The following AP1S3 variants were observed in gnomAD, a reference collection of about 807,000 sequenced individuals.
AP1S3 encodes the protein adaptor related protein complex 1 subunit sigma 3.
In AP1S3, 10 loss-of-function variants were observed where a neutral mutation model predicts 20.9. The ratio of observed to expected loss-of-function variants is 0.48; its 90% CI spans 0.29 to 0.81. AP1S3 has a LOEUF of 0.81. Ranked by LOEUF, AP1S3 falls within the 30% of genes least tolerant of loss-of-function variation. The pLI, the probability that AP1S3 is intolerant of heterozygous loss-of-function variation, is 0.08. For synonymous variants in AP1S3, 41 were observed against 61.5 expected (o/e 0.67, Z 1.56); for missense variants, 154 against 183.8 (o/e 0.84, Z 0.94).
intron 2 of AP1S3, among the ~76,000 whole-genome samples, chr2:223,777,388 C>T (rs1245284080): frequency 1.3e-5 from 2 of 152,108 alleles, no homozygotes; most frequent in Admixed American, 6.6e-5. Context: ...GAGCAAGATT[C>T]CGCCTCCAAC....
intron 1 of AP1S3, among the ~76,000 whole-genome samples, chr2:223,802,434 C>A (rs1470507454): frequency 1.3e-5 from 2 of 151,888 alleles, no homozygotes; most frequent in Non-Finnish European, 1.5e-5. Context: ...TCCCGAGTAG[C>A]TGGGATTATA....
At chr2:223,821,305 G>A (rs981832204) in intron 1 of AP1S3, among the ~76,000 whole-genome samples, 6 of 152,138 alleles carry the variant, frequency 3.9e-5, no homozygotes, top group East Asian at 3.9e-4. Context: ...ACAGGCACCC[G>A]CCACCACACC....
At chr2:223,831,027 T>C (rs1206892938) in intron 1 of AP1S3, among the ~76,000 whole-genome samples, 1 of 152,202 alleles carries the variant, frequency 6.6e-6, no homozygotes, top group African/African-American at 2.4e-5. Flanking sequence ...AAATACATTT[T>C]TTTTTCTTTT....
intron 1 of AP1S3, among the ~76,000 whole-genome samples, chr2:223,791,526 A>G (rs1469572931): frequency 6.6e-6 from 1 of 152,232 alleles, no homozygotes; most frequent in African/African-American, 2.4e-5. Context: ...TATTGAAGGA[A>G]CATAGCTCAA....
chr2:223,837,506 GGGCGAGA>G lies in AP1S3; in HGVS notation c.-63_-57del. The G allele has an allele frequency of 8.1e-7, 1 of 1,228,298 alleles. No individual in the cohort carries two copies. The allele number at this position is 1,228,298 out of a possible 1,614,324, so 76.1% of individuals were successfully genotyped here. ...CGAGCAAGGAGCGCTGGAGAAGCGA[GGGCGAGA>G]GGCGAGCGCTGGAGCCGGTGCGGCT... On this transcript the variant is annotated 5_prime_UTR_variant, in exon 1 of 5. Coordinates refer to ENST00000396654, the MANE Select transcript of AP1S3 (RefSeq NM_001039569.2).
At chr2:223,817,088 G>T (rs7578072) in intron 1 of AP1S3, among the ~76,000 whole-genome samples, 48,916 of 151,938 alleles carry the variant, frequency 0.32, 8,293 homozygotes, top group Middle Eastern at 0.43. Flanking sequence ...TAGTGCCACT[G>T]CACTCCAGCC....
intron 1 of AP1S3, among the ~76,000 whole-genome samples, chr2:223,801,841 C>A (rs1024879401): frequency 6.6e-6 from 1 of 152,134 alleles, no homozygotes; most frequent in African/African-American, 2.4e-5. Flanking sequence ...AAGGCCTAGG[C>A]TTACAGAGAC....
intron 1 of AP1S3, among the ~76,000 whole-genome samples, chr2:223,782,011 CTTTTTTT>C (rs35909928): frequency 1.0e-4 from 13 of 128,422 alleles, no homozygotes; most frequent in Admixed American, 3.2e-4. Context: ...GGCTTTAAGT[CTTTTTTT>C]TTTTTTTTTT....
rs189828991 is a variant in AP1S3 at position 223,805,681 on chromosome 2, C to T, written c.4-27812G>A. ...TCAGAACTATGTCTAACTTCTTATACGTCTTAACGTGTTTTGAAATAGCTG... is the reference window on the plus strand; with the variant it reads ...TCAGAACTATGTCTAACTTCTTATATGTCTTAACGTGTTTTGAAATAGCTG... On this transcript the variant is annotated intron_variant, in intron 1 of 4. Coordinates refer to ENST00000396654, the MANE Select transcript of AP1S3 (RefSeq NM_001039569.2). Among the ~76,000 whole-genome samples the T allele has an allele frequency of 1.4e-3, 207 of 152,252 alleles. 2 individuals are homozygous for T. The highest frequency in any genetic ancestry group is 2.1e-3 in the Non-Finnish European group (144 of 68,030).
chr2:223,807,907 A>T (rs1461599095), intron 1 of AP1S3, among the ~76,000 whole-genome samples: 2 of 104,916 alleles, frequency 1.9e-5, no homozygotes, highest in Admixed American at 1.5e-4. Context: ...ACAAGGTCTC[A>T]CTCTGTCACC....
At position 223,756,562 on chromosome 2, in the gene AP1S3, C is replaced by T. The variant is rs753681428; in HGVS notation, c.*2153G>A. The T allele has an allele frequency of 7.1e-6, 7 of 985,330 alleles. No individual in the cohort carries two copies. The highest frequency in any genetic ancestry group is 8.4e-6 in the Non-Finnish European group (7 of 829,898). 61.0% of individuals were successfully genotyped at this position (985,330 alleles called of 1,614,324 possible). On this transcript the variant is annotated 3_prime_UTR_variant, in exon 5 of 5. Transcript: ENST00000396654. ...GGTTAGCTAAAGTAAACACAGTGGT[C>T]AATCATACATGATAAACTTCAAGCT...
chr2:223,790,869 C>A (rs1691201687), intron 1 of AP1S3, among the ~76,000 whole-genome samples: 1 of 152,046 alleles, frequency 6.6e-6, no homozygotes, highest in Admixed American at 6.6e-5. Flanking sequence ...ATACAACTAA[C>A]CATCAGAGAA....
chr2:223,760,178 T>C (rs1160525244), intron 4 of AP1S3, among the ~76,000 whole-genome samples: 2 of 152,296 alleles, frequency 1.3e-5, no homozygotes, highest in African/African-American at 2.4e-5. Flanking sequence ...GGGCCCCAAG[T>C]TGAATCAATA....
At chr2:223,779,083 G>A in intron 1 of AP1S3, among the ~76,000 whole-genome samples, 1 of 152,120 alleles carries the variant, frequency 6.6e-6, no homozygotes, top group East Asian at 1.9e-4. Flanking sequence ...ATTGTCTTTG[G>A]CATCACCATA....
At chr2:223,808,856 T>G (rs1464911069) in intron 1 of AP1S3, among the ~76,000 whole-genome samples, 2 of 151,854 alleles carry the variant, frequency 1.3e-5, no homozygotes, top group Non-Finnish European at 2.9e-5. Flanking sequence ...ATTAGCTGGG[T>G]GTGGAGGAAC....
rs141628237 is a variant in AP1S3 at position 223,833,513 on chromosome 2, C to T, written c.3+3935G>A. ...ATGCACCAGATATGAAATCTCTGTG[C>T]CAGAAACCAGGGTCACTGGCACCAT... On this transcript the variant is annotated intron_variant, in intron 1 of 4. Transcript: ENST00000396654. Among the ~76,000 whole-genome samples, 211 of 152,246 alleles carry T rather than the reference C, an allele frequency of 1.4e-3. 2 individuals are homozygous for T. The highest frequency in any genetic ancestry group is 6.8e-3 in the Middle Eastern group (2 of 294).
Position 223,757,513 on chromosome 2 carries a change from C to A in AP1S3, c.*1202G>T. On this transcript the variant is annotated 3_prime_UTR_variant, in exon 5 of 5. Transcript: ENST00000396654. ...ATATTGGCCAGGCTGCTCTCGAACT[C>A]CTGACCTCAAGTGATCCACCTGCCT... 1.2e-6 allele frequency: 1 copy of A among 836,466 alleles called. No individual in the cohort carries two copies. Among genetic ancestry groups the A allele is most frequent in the Non-Finnish European group, 1.4e-6 (1 of 694,178 alleles). The allele number at this position is 836,466 out of a possible 1,614,324, so 51.8% of individuals were successfully genotyped here.
Position 223,765,306 on chromosome 2 carries a change from G to A in AP1S3, c.336C>T (p.Phe112=). Residue 112 remains phenylalanine (F), a synonymous_variant, in exon 4 of 5, where the codon TTC becomes TTT. Coordinates refer to ENST00000396654, the MANE Select transcript of AP1S3 (RefSeq NM_001039569.2). ...DIIFNFEKAY[F]ILDEFIIGGE... ...CACCTATTATAAACTCGTCCAGGAT[G>A]AAATAAGCCTTTTCAAAATTAAAGA... 1 of 1,613,560 alleles carries A rather than the reference G, an allele frequency of 6.2e-7. No homozygotes were observed. The highest frequency in any genetic ancestry group is 8.5e-7 in the Non-Finnish European group (1 of 1,179,916).
chr2:223,817,962 C>T (rs1038483260), intron 1 of AP1S3, among the ~76,000 whole-genome samples: 1 of 152,052 alleles, frequency 6.6e-6, no homozygotes, highest in African/African-American at 2.4e-5. Flanking sequence ...TGATGCTGGG[C>T]ACTTTTATAT....
Sources: allele counts gnomAD v4.1 joint callset (sites outside exome capture counted in the v4.1 genomes callset), GRCh38; gene constraint gnomAD v4.1.1; transcripts MANE v1.5; gene names NCBI Gene and HGNC (gene_info 2026-07-23, HGNC 2026-07-21).